OCIAD1: variants seen among roughly 807,000 people sequenced by gnomAD.
OCIAD1 encodes OCIA domain-containing protein 1.
OCIAD1 carries 29 observed loss-of-function variants against 38.9 expected under a neutral mutation model. That is an observed-to-expected ratio of 0.74 (90% CI 0.55 to 1.02). The LOEUF is 1.02. OCIAD1 is among the 50% of genes least tolerant of loss of function. The pLI, the probability that OCIAD1 is intolerant of heterozygous loss-of-function variation, is 0.00. For synonymous variants in OCIAD1, 110 were observed against 92.0 expected (o/e 1.20, Z -1.12); for missense variants, 288 against 289.6 (o/e 0.99, Z 0.04).
At position 48,848,257 on chromosome 4, in the gene OCIAD1, T is replaced by C. The variant is rs143293393; in HGVS notation, c.194-142T>C. 854 of 442,966 alleles carry C rather than the reference T, an allele frequency of 1.9e-3. 9 individuals are homozygous for C. Among genetic ancestry groups the C allele is most frequent in the African/African-American group, 0.015 (729 of 49,240 alleles). The allele number at this position is 442,966 out of a possible 1,614,324, so 27.4% of individuals were successfully genotyped here. ...CATATTTCTCTTGATACTGAATTCA[T>C]TTGGTTTTCCCTATTAAACAGTCTA... is the stretch of plus-strand genomic sequence containing the variant. On this transcript the variant is annotated intron_variant, in intron 4 of 8. Transcript: ENST00000264312.
At chr4:48,823,952 C>A (rs1429280442) in intron 1 of OCIAD1, among the ~76,000 whole-genome samples, 7 of 143,170 alleles carry the variant, frequency 4.9e-5, no homozygotes, top group Non-Finnish European at 1.1e-4. Context: ...CAGGAGTGAG[C>A]CACTACACCT....
intron 3 of OCIAD1, among the ~76,000 whole-genome samples, chr4:48,834,819 G>A (rs1015104785): frequency 6.6e-6 from 1 of 152,168 alleles, no homozygotes; most frequent in African/African-American, 2.4e-5. Context: ...CATTAAGGAG[G>A]ATGTATGTTT....
At chr4:48,838,235 T>G (rs1261915728) in intron 3 of OCIAD1, among the ~76,000 whole-genome samples, 1 of 151,780 alleles carries the variant, frequency 6.6e-6, no homozygotes, top group African/African-American at 2.4e-5. Flanking sequence ...GGAGAATCGC[T>G]TGAACCCGGG....
rs779872374 is a variant in OCIAD1, at chr4:48,832,687, C to G, written c.58+5C>G. Reference sequence around the variant, plus strand: ...AGGTTCCAAGACCAATTCCCCGTAACTATCTATTAAGTATTTATAATTAGA... The same window carrying G: ...AGGTTCCAAGACCAATTCCCCGTAAGTATCTATTAAGTATTTATAATTAGA... On this transcript the variant is annotated splice_donor_5th_base_variant and intron_variant, in intron 2 of 8. Transcript: ENST00000264312. The G allele has an allele frequency of 1.2e-6, 2 of 1,602,344 alleles. No homozygotes were observed. Among genetic ancestry groups the G allele is most frequent in the African/African-American group, 1.3e-5 (1 of 74,808 alleles).
intron 1 of OCIAD1, among the ~76,000 whole-genome samples, chr4:48,810,566 G>A (rs1259294758): frequency 6.6e-6 from 1 of 151,372 alleles, no homozygotes; most frequent in Admixed American, 6.6e-5. Flanking sequence ...ATCTGTCCCT[G>A]GCATATGATA....
At chr4:48,827,849 G>T (rs1463936761), upstream of OCIAD1, among the ~76,000 whole-genome samples, 2 of 152,236 alleles carry the variant, frequency 1.3e-5, no homozygotes, top group Admixed American at 1.3e-4. Context: ...GGGCTCCAGA[G>T]TTGGGTGGGG....
At chr4:48,846,059 ACT>A (rs1346616955) in intron 4 of OCIAD1, among the ~76,000 whole-genome samples, 1 of 152,138 alleles carries the variant, frequency 6.6e-6, no homozygotes, top group South Asian at 2.1e-4. Context: ...CTTTGTCTTA[ACT>A]CTCTCTCTAG....
At position 48,819,716 on chromosome 4, in the gene OCIAD1, CAAAAAAAAAA is replaced by C. The variant is rs576081813; in HGVS notation, c.-102-10842_-102-10833del. Among the ~76,000 whole-genome samples, 17 of 10,454 alleles carry C rather than the reference CAAAAAAAAAA, an allele frequency of 1.6e-3. No individual in the cohort carries two copies. In the East Asian group the frequency reaches 0.025, roughly 15 times the overall value. 6.9% of individuals were successfully genotyped at this position (10,454 alleles called of 152,430 possible). A position where few individuals can be genotyped will look rare whatever the true frequency, so the allele number is the denominator to read the frequency against. On this transcript the variant is annotated intron_variant, in intron 1 of 6. Coordinates refer to the OCIAD1 transcript ENST00000504654. Reference sequence around the variant, plus strand: ...GAGACGGAGGAATATTTACCAAGCGCAAAAAAAAAAAAAAAAAAAAAAAAAAAAGGAGGGG... The same window carrying C: ...GAGACGGAGGAATATTTACCAAGCGCAAAAAAAAAAAAAAAAAAGGAGGGG...
At chr4:48,829,482 A>G (rs763297717), upstream of OCIAD1, among the ~76,000 whole-genome samples, 57 of 152,326 alleles carry the variant, frequency 3.7e-4, no homozygotes, top group Non-Finnish European at 6.3e-4. Context: ...TCCTACTGTC[A>G]TAGACCTTTT....
chr4:48,826,093 C>T (rs778167296), upstream of OCIAD1, among the ~76,000 whole-genome samples: 10 of 152,158 alleles, frequency 6.6e-5, no homozygotes, highest in Middle Eastern at 3.2e-3. Flanking sequence ...CCATCTCAGC[C>T]TCCCGAAGTG....
intron 1 of OCIAD1, among the ~76,000 whole-genome samples, chr4:48,812,094 C>T (rs1462838538): frequency 6.6e-6 from 1 of 150,986 alleles, no homozygotes; most frequent in African/African-American, 2.4e-5. Context: ...ACCAGCCTGG[C>T]CAAGGGTGAA....
chr4:48,852,789 TGAG>T (rs955193682), intron 7 of OCIAD1, among the ~76,000 whole-genome samples: 9 of 152,056 alleles, frequency 5.9e-5, no homozygotes, highest in Middle Eastern at 3.2e-3. Flanking sequence ...CAGTAAAAGA[TGAG>T]GAATTAGAAA....
At chr4:48,809,382 G>C (rs1422224614) in intron 1 of OCIAD1, among the ~76,000 whole-genome samples, 1 of 151,986 alleles carries the variant, frequency 6.6e-6, no homozygotes, top group African/African-American at 2.4e-5. Context: ...AAATTAACTG[G>C]GAGCGGTGGT....
At chr4:48,853,213 A>T (rs1205681474) in intron 7 of OCIAD1, among the ~76,000 whole-genome samples, 1 of 151,994 alleles carries the variant, frequency 6.6e-6, no homozygotes, top group East Asian at 1.9e-4. Flanking sequence ...CTGGTAATAA[A>T]ATCTGACCTG....
intron 1 of OCIAD1, among the ~76,000 whole-genome samples, chr4:48,820,787 C>T (rs1007138360): frequency 1.1e-4 from 16 of 151,982 alleles, no homozygotes; most frequent in African/African-American, 3.6e-4. Flanking sequence ...GCAAATAAAC[C>T]CAGAAAATCT....
intron 6 of OCIAD1, 137 bp from the exon 7 acceptor site, chr4:48,851,669 C>T (rs887231853): frequency 6.6e-6 from 3 of 455,656 alleles, no homozygotes; most frequent in African/African-American, 4.1e-5. Context: ...GAGCAAGACC[C>T]TGTCTCAAAA....
chr4:48,814,239 GTTT>G (rs530042723), intron 1 of OCIAD1, among the ~76,000 whole-genome samples: 2 of 139,178 alleles, frequency 1.4e-5, no homozygotes. Context: ...CTGTGGAGGG[GTTT>G]TTTTTTTTTT....
intron 1 of OCIAD1, among the ~76,000 whole-genome samples, chr4:48,808,271 C>T (rs1777048502): frequency 6.6e-6 from 1 of 152,112 alleles, no homozygotes; most frequent in Admixed American, 6.5e-5. Context: ...AGTTCAAGAC[C>T]AGACTGGACC....
chr4:48,823,295 A>C (rs1013729972), intron 1 of OCIAD1, among the ~76,000 whole-genome samples: 1 of 152,202 alleles, frequency 6.6e-6, no homozygotes, highest in Non-Finnish European at 1.5e-5. Context: ...CAGGAACGGA[A>C]AACCAAACAC....
Sources: allele counts gnomAD v4.1 joint callset (sites outside exome capture counted in the v4.1 genomes callset), GRCh38; gene constraint gnomAD v4.1.1; transcripts MANE v1.5; gene names NCBI Gene and HGNC (gene_info 2026-07-23, HGNC 2026-07-21).